Variants in GPC5 observed in about 807,000 individuals in gnomAD.
The protein encoded by GPC5 is glypican-5.
GPC5 carries 47 observed loss-of-function variants against 53.9 expected under a neutral mutation model. The ratio of observed to expected loss-of-function variants is 0.87; its 90% CI spans 0.69 to 1.11. GPC5 has a LOEUF of 1.11. GPC5 is among the 50% of genes most tolerant of loss of function. The pLI is 0.00. For synonymous variants in GPC5, 286 were observed against 263.3 expected, an observed-to-expected ratio of 1.09 and a Z score of -0.84; for missense variants, 748 against 713.1, an observed-to-expected ratio of 1.05 and a Z score of -0.56.
At chr13:92,578,686 C>G (rs1010898184) in intron 7 of GPC5, among the ~76,000 whole-genome samples, 2 of 152,150 alleles carry the variant, frequency 1.3e-5, no homozygotes, top group African/African-American at 4.8e-5. Context: ...GGCAGATCAT[C>G]TTCACTGAAT....
chr13:92,170,177 G>T (rs2042059329), intron 7 of GPC5, among the ~76,000 whole-genome samples: 1 of 151,434 alleles, frequency 6.6e-6, no homozygotes, highest in Non-Finnish European at 1.5e-5. Flanking sequence ...AAAACCTTAA[G>T]ATTTTCTTCA....
chr13:91,510,294 T>A (rs1594187615), intron 2 of GPC5, among the ~76,000 whole-genome samples: 1 of 152,186 alleles, frequency 6.6e-6, no homozygotes, highest in African/African-American at 2.4e-5. Flanking sequence ...TCTTGTTTAA[T>A]GCACGGAACA....
intron 7 of GPC5, among the ~76,000 whole-genome samples, chr13:92,387,180 T>C (rs1173869826): frequency 2.6e-5 from 4 of 152,108 alleles, no homozygotes; most frequent in African/African-American, 9.7e-5. Flanking sequence ...CCTCAAGTGC[T>C]CATTCAACCA....
At chr13:92,402,702 CTTG>C (rs1304674923) in intron 7 of GPC5, among the ~76,000 whole-genome samples, 4 of 152,092 alleles carry the variant, frequency 2.6e-5, no homozygotes, top group Admixed American at 6.6e-5. Flanking sequence ...AGGCTTGTGG[CTTG>C]TTGTTGAGTC....
At chr13:92,450,613 C>G (rs1878022377) in intron 7 of GPC5, among the ~76,000 whole-genome samples, 1 of 152,100 alleles carries the variant, frequency 6.6e-6, no homozygotes, top group Non-Finnish European at 1.5e-5. Flanking sequence ...AAAAACTATG[C>G]TTAGAAGCTG....
chr13:92,424,616 G>C lies in GPC5; in HGVS notation c.1561+279627G>C, dbSNP rs138764741. On this transcript the variant is annotated intron_variant, in intron 7 of 7. Coordinates refer to ENST00000377067, the MANE Select transcript of GPC5 (RefSeq NM_004466.6). ...TCATTATTATTAAAAAGTTACATCT[G>C]TTCTTCCATAGCTTTATGACTTGAT... Among the ~76,000 whole-genome samples the C allele has an allele frequency of 1.1e-3, 161 of 151,052 alleles. 2 individuals are homozygous for C. Among genetic ancestry groups the C allele is most frequent in the Non-Finnish European group, 1.8e-3 (121 of 67,750 alleles).
At chr13:91,878,606 G>T (rs1277176556) in intron 5 of GPC5, among the ~76,000 whole-genome samples, 1 of 152,144 alleles carries the variant, frequency 6.6e-6, no homozygotes, top group African/African-American at 2.4e-5. Context: ...AATCATGGGG[G>T]TGGTTGTCCC....
chr13:92,696,717 C>T (rs537342534), intron 7 of GPC5, among the ~76,000 whole-genome samples: 1 of 152,298 alleles, frequency 6.6e-6, no homozygotes, highest in South Asian at 2.1e-4. Flanking sequence ...TCCCATTTAT[C>T]AATTTTGGCT....
At chr13:92,174,226 A>C (rs1490571017) in intron 7 of GPC5, among the ~76,000 whole-genome samples, 1 of 152,134 alleles carries the variant, frequency 6.6e-6, no homozygotes, top group Non-Finnish European at 1.5e-5. Flanking sequence ...ATTAAATAGA[A>C]AGGCCAAAAT....
rs534489406 is a variant in GPC5, at chr13:91,411,475, G to A, written c.163+12266G>A. 7.5e-4 allele frequency among the ~76,000 whole-genome samples: 114 copies of A among 152,274 alleles called. No homozygotes were observed. In the Middle Eastern group the frequency reaches 0.017, roughly 23 times the overall value. ...CCCTTTGTTCCTGGGCCCTATCAGT[G>A]GGCATTCTTGGCTCTGGCAGTTAAT... On this transcript the variant is annotated intron_variant, in intron 1 of 7. Coordinates refer to ENST00000377067, the MANE Select transcript of GPC5 (RefSeq NM_004466.6).
chr13:92,823,937 C>G (rs917834376), intron 7 of GPC5, among the ~76,000 whole-genome samples: 3 of 152,036 alleles, frequency 2.0e-5, no homozygotes, highest in Non-Finnish European at 4.4e-5. Flanking sequence ...GCTTATCCTA[C>G]TCCTTTTTCA....
intron 7 of GPC5, among the ~76,000 whole-genome samples, chr13:92,734,128 A>C (rs961793484): frequency 6.6e-5 from 10 of 151,834 alleles, no homozygotes; most frequent in Non-Finnish European, 1.5e-4. Flanking sequence ...TTGGCCAAAA[A>C]CACATTGTGG....
chr13:91,627,865 A>T (rs911967825), intron 2 of GPC5, among the ~76,000 whole-genome samples: 1 of 152,158 alleles, frequency 6.6e-6, no homozygotes, highest in Non-Finnish European at 1.5e-5. Flanking sequence ...TTCAATATCA[A>T]TGTATTACAT....
chr13:92,752,432 T>A (rs1002316324), intron 7 of GPC5, among the ~76,000 whole-genome samples: 1 of 152,162 alleles, frequency 6.6e-6, no homozygotes, highest in African/African-American at 2.4e-5. Context: ...GTTGATGGAA[T>A]TGTTGTAAAG....
intron 2 of GPC5, among the ~76,000 whole-genome samples, chr13:91,646,240 T>A (rs2034554325): frequency 6.6e-6 from 1 of 152,162 alleles, no homozygotes; most frequent in Non-Finnish European, 1.5e-5. Context: ...CAACCTGTTA[T>A]CTTTAACAAA....
chr13:91,946,107 T>C (rs528133041), intron 6 of GPC5, among the ~76,000 whole-genome samples: 1 of 152,216 alleles, frequency 6.6e-6, no homozygotes, highest in South Asian at 2.1e-4. Flanking sequence ...CTACCTTCTG[T>C]TTTTTATGCT....
chr13:92,752,798 G>A (rs921947866), intron 7 of GPC5, among the ~76,000 whole-genome samples: 15 of 152,108 alleles, frequency 9.9e-5, no homozygotes, highest in East Asian at 3.9e-4. Flanking sequence ...AAAAAACAGC[G>A]CACCACGAGA....
intron 6 of GPC5, among the ~76,000 whole-genome samples, chr13:92,016,819 C>T (rs374227952): frequency 1.3e-5 from 2 of 151,472 alleles, no homozygotes; most frequent in East Asian, 3.9e-4. Flanking sequence ...CCTCCGCCTT[C>T]TGGGTTCACT....
chr13:91,411,674 G>A, intron 1 of GPC5, among the ~76,000 whole-genome samples: 1 of 152,076 alleles, frequency 6.6e-6, no homozygotes, highest in African/African-American at 2.4e-5. Context: ...GCTTCCTAAG[G>A]GGCAGTATCA....
Sources: gnomAD v4.1 joint callset for allele counts (sites outside exome capture counted in the v4.1 genomes callset) on GRCh38, gnomAD v4.1.1 for gene constraint, MANE v1.5 for transcripts, NCBI Gene and HGNC (gene_info 2026-07-23, HGNC 2026-07-21) for gene names.